Variants in AGFG1 observed in about 807,000 individuals in gnomAD.
The protein encoded by AGFG1 is ArfGAP with FG repeats 1.
A neutral mutation model predicts 60.6 loss-of-function variants in AGFG1; 10 were observed. The ratio of observed to expected loss-of-function variants is 0.16; its 90% CI spans 0.10 to 0.28. The LOEUF is 0.28. AGFG1 is among the 10% of genes least tolerant of loss of function. AGFG1 has a pLI of 1.00. For missense variants in AGFG1, 537 were observed against 676.5 expected, an observed-to-expected ratio of 0.79 and a Z score of 2.29; for synonymous variants, 247 against 242.9, an observed-to-expected ratio of 1.02 and a Z score of -0.16.
chr2:227,529,104 A>G (rs753422821), intron 5 of AGFG1, among the ~76,000 whole-genome samples: 1 of 152,128 alleles, frequency 6.6e-6, no homozygotes, highest in East Asian at 1.9e-4. Context: ...TAAAATGTAT[A>G]TGCCTGTTAC....
Position 227,560,585 on chromosome 2 carries a change from G to A in AGFG1, c.*6090G>A, listed in dbSNP as rs1251911187. ...GACTCTAAAAAGTGCATGGCTTGGGGCTATACTTTGTTTTGCAGTTTGTTG... is the reference window on the plus strand; with the variant it reads ...GACTCTAAAAAGTGCATGGCTTGGGACTATACTTTGTTTTGCAGTTTGTTG... On this transcript the variant is annotated 3_prime_UTR_variant, in exon 13 of 13. Coordinates refer to ENST00000310078, the MANE Select transcript of AGFG1 (RefSeq NM_004504.5). 3 of 152,058 alleles carry A rather than the reference G, an allele frequency of 2.0e-5. No individual in the cohort carries two copies. Among genetic ancestry groups the A allele is most frequent in the African/African-American group, 7.2e-5 (3 of 41,424 alleles). 9.4% of individuals were successfully genotyped at this position (152,058 alleles called of 1,614,324 possible).
chr2:227,507,602 CAAAAA>C (rs1162277041), intron 2 of AGFG1, among the ~76,000 whole-genome samples: 18 of 61,584 alleles, frequency 2.9e-4, no homozygotes, highest in South Asian at 1.4e-3. Flanking sequence ...GACTCTGTCT[CAAAAA>C]AAAAAAAAAA....
intron 5 of AGFG1, among the ~76,000 whole-genome samples, chr2:227,527,387 G>T (rs1437009115): frequency 1.3e-5 from 2 of 152,086 alleles, no homozygotes; most frequent in Non-Finnish European, 2.9e-5. Flanking sequence ...ACTTATGTAT[G>T]TATGTTTGTA....
At position 227,491,638 on chromosome 2, in the gene AGFG1, G is replaced by C; in HGVS notation, c.259G>C (p.Glu87Gln). 6.8e-7 allele frequency: 1 copy of C among 1,460,388 alleles called. No homozygotes were observed. Among genetic ancestry groups the C allele is most frequent in the South Asian group, 1.4e-5 (1 of 72,754 alleles). The allele number at this position is 1,460,388 out of a possible 1,614,324, so 90.5% of individuals were successfully genotyped here. The change falls in exon 2 of 13, where the codon GAA becomes CAA. Residue 87 changes from glutamate to glutamine, a missense_variant and splice_region_variant. By Grantham distance (29) the Glu-to-Gln change is conservative. This residue lies in a region of AGFG1 where 120 missense variants were observed against 198.5 expected (regional missense o/e 0.60). Transcript: ENST00000310078. ...TGAATTCTTACAAAAACATGGAAATGAAGTAAGTGGTTTTTTTTTTTTTTT... is the reference window on the plus strand; with the variant it reads ...TGAATTCTTACAAAAACATGGAAATCAAGTAAGTGGTTTTTTTTTTTTTTT... ...EIEFLQKHGNEVCKQIWLGLF... is the reference protein window; with the variant it reads ...EIEFLQKHGNQVCKQIWLGLF...
chr2:227,503,739 C>A (rs1406520014), intron 2 of AGFG1, among the ~76,000 whole-genome samples: 2 of 152,186 alleles, frequency 1.3e-5, no homozygotes, highest in Admixed American at 6.5e-5. Context: ...GACCACAGTG[C>A]AGATTATCTG....
intron 12 of AGFG1, among the ~76,000 whole-genome samples, chr2:227,554,146 A>G (rs1034393302): frequency 6.6e-6 from 1 of 152,216 alleles, no homozygotes; most frequent in African/African-American, 2.4e-5. Context: ...CTTAAGAGTC[A>G]GAAGTTTTGT....
Position 227,484,688 on chromosome 2 carries a change from G to GTTTT in AGFG1, c.168-6829_168-6826dup, listed in dbSNP as rs745570416. On this transcript the variant is annotated intron_variant, in intron 1 of 12. Coordinates refer to ENST00000310078, the MANE Select transcript of AGFG1 (RefSeq NM_004504.5). ...ATGAAGATCTCTTAGTTTTTTTTTTGTTTTTTTTTTTTTTTTTTTTTTTTT... is the reference window on the plus strand; with the variant it reads ...ATGAAGATCTCTTAGTTTTTTTTTTGTTTTTTTTTTTTTTTTTTTTTTTTTTTTT... 1.0e-3 allele frequency among the ~76,000 whole-genome samples: 26 copies of GTTTT among 25,100 alleles called. 2 individuals are homozygous for GTTTT. Among genetic ancestry groups the GTTTT allele is most frequent in the East Asian group, 6.2e-3 (2 of 322 alleles). The allele number at this position is 25,100 out of a possible 152,430, so 16.5% of individuals were successfully genotyped here. A position where few individuals can be genotyped will look rare whatever the true frequency, so the allele number is the denominator to read the frequency against.
chr2:227,552,678 T>C (rs1185617917), intron 11 of AGFG1, among the ~76,000 whole-genome samples: 2 of 151,692 alleles, frequency 1.3e-5, no homozygotes, highest in East Asian at 1.9e-4. Flanking sequence ...TTTTCTTTTT[T>C]TTTTTTTTTA....
intron 1 of AGFG1, among the ~76,000 whole-genome samples, chr2:227,488,930 C>T (rs1329809670): frequency 1.3e-5 from 2 of 152,204 alleles, no homozygotes; most frequent in African/African-American, 4.8e-5. Context: ...TCTGCTGCCT[C>T]AGCCTCCCGA....
chr2:227,558,260 T>TTA lies in AGFG1; in HGVS notation c.*3771_*3772dup, dbSNP rs1026357929. ...AGATTTGGATTAAATGCTATCACAT[T>TTA]TATATATGAATGCATTCTTTCTTAA... On this transcript the variant is annotated 3_prime_UTR_variant, in exon 13 of 13. Coordinates refer to ENST00000310078, the MANE Select transcript of AGFG1 (RefSeq NM_004504.5). The TTA allele has an allele frequency of 9.9e-5, 15 of 152,282 alleles. No individual in the cohort carries two copies. Among genetic ancestry groups the TTA allele is most frequent in the South Asian group, 6.2e-4 (3 of 4,826 alleles). The allele number at this position is 152,282 out of a possible 1,614,324, so 9.4% of individuals were successfully genotyped here. A position where few individuals can be genotyped will look rare whatever the true frequency, so the allele number is the denominator to read the frequency against.
At chr2:227,522,530 A>G (rs1376691048) in intron 3 of AGFG1, among the ~76,000 whole-genome samples, 1 of 152,228 alleles carries the variant, frequency 6.6e-6, no homozygotes. Context: ...GTGCTTTACA[A>G]ATGTTAACTT....
At chr2:227,537,402 T>A (rs1013736842) in intron 10 of AGFG1, among the ~76,000 whole-genome samples, 6 of 152,230 alleles carry the variant, frequency 3.9e-5, no homozygotes, top group Non-Finnish European at 7.3e-5. Context: ...TTATTTTCCC[T>A]ATGAGATTGC....
intron 11 of AGFG1, among the ~76,000 whole-genome samples, chr2:227,553,495 CAAAA>C (rs5839218): frequency 1.7e-5 from 2 of 120,262 alleles, no homozygotes; most frequent in African/African-American, 3.4e-5. Flanking sequence ...GATCATGTCT[CAAAA>C]AAAAAAAAAA....
At chr2:227,538,128 TTC>T (rs1692369854) in intron 10 of AGFG1, among the ~76,000 whole-genome samples, 2 of 152,340 alleles carry the variant, frequency 1.3e-5, no homozygotes, top group East Asian at 1.9e-4. Context: ...TGTGCAGTGT[TTC>T]TGTTTCTTAG....
chr2:227,501,817 A>C (rs553273534), intron 2 of AGFG1, among the ~76,000 whole-genome samples: 1 of 151,864 alleles, frequency 6.6e-6, no homozygotes, highest in Non-Finnish European at 1.5e-5. Flanking sequence ...ATTCACATTC[A>C]TATAAAGTAA....
chr2:227,482,475 CT>C (rs1490260445), intron 1 of AGFG1, among the ~76,000 whole-genome samples: 1 of 152,070 alleles, frequency 6.6e-6, no homozygotes, highest in African/African-American at 2.4e-5. Flanking sequence ...TCCATCTGTT[CT>C]AGATTTTAAA....
At chr2:227,512,630 C>T (rs1028323511) in intron 2 of AGFG1, among the ~76,000 whole-genome samples, 16 of 152,096 alleles carry the variant, frequency 1.1e-4, no homozygotes, top group African/African-American at 2.4e-4. Context: ...TATAGGTCCA[C>T]GGTACCTGTT....
intron 10 of AGFG1, among the ~76,000 whole-genome samples, chr2:227,540,707 A>G (rs1178828236): frequency 1.3e-5 from 2 of 152,176 alleles, no homozygotes; most frequent in African/African-American, 4.8e-5. Flanking sequence ...TTGGGTATAT[A>G]CCCAGTAATG....
rs1477546568 is a variant in AGFG1, at chr2:227,559,866, G to C, written c.*5371G>C. The stretch of plus-strand genomic sequence containing the variant: ...TAGTCAATGTTTCATAGAATGCTTT[G>C]GTTACAATCAGGTTTTTTAAAGACT... On this transcript the variant is annotated 3_prime_UTR_variant, in exon 13 of 13. Coordinates refer to ENST00000310078, the MANE Select transcript of AGFG1 (RefSeq NM_004504.5). 6.6e-6 allele frequency: 1 copy of C among 152,002 alleles called. No homozygotes were observed. Among genetic ancestry groups the C allele is most frequent in the African/African-American group, 2.4e-5 (1 of 41,376 alleles). The allele number at this position is 152,002 out of a possible 1,614,324, so 9.4% of individuals were successfully genotyped here.
Sources: allele counts gnomAD v4.1 joint callset (sites outside exome capture counted in the v4.1 genomes callset), GRCh38; gene constraint gnomAD v4.1.1; regional missense constraint gnomAD v4.1.1; transcripts MANE v1.5; gene names NCBI Gene and HGNC (gene_info 2026-07-23, HGNC 2026-07-21).